Variants in TBC1D22A observed in about 807,000 individuals in gnomAD.
TBC1D22A encodes TBC1 domain family member 22A.
A neutral mutation model predicts 60.2 loss-of-function variants in TBC1D22A; 38 were observed. That is an observed-to-expected ratio of 0.63 (90% CI 0.49 to 0.83). The LOEUF (loss-of-function observed/expected upper bound fraction) is 0.83, where lower values mean the gene tolerates loss of function less well. Ranked by LOEUF, TBC1D22A falls within the 40% of genes least tolerant of loss-of-function variation. The pLI is 0.00. For missense variants in TBC1D22A, 628 were observed against 701.0 expected, an observed-to-expected ratio of 0.90 and a Z score of 1.18; for synonymous variants, 302 against 281.7, an observed-to-expected ratio of 1.07 and a Z score of -0.72.
chr22:46,962,819 A>G (rs1214721855), intron 8 of TBC1D22A, among the ~76,000 whole-genome samples: 1 of 152,234 alleles, frequency 6.6e-6, no homozygotes, highest in Non-Finnish European at 1.5e-5. Flanking sequence ...AGACCAAGAG[A>G]TATCCTGGCT....
At position 46,904,134 on chromosome 22, in the gene TBC1D22A, TCTATCTATCTACCTACCTACCTAC is replaced by T. The variant is rs1406970549; in HGVS notation, c.901-7936_901-7913del. Reference sequence around the variant, plus strand: ...ATCTATCTATCTATCTATCTATCTATCTATCTATCTACCTACCTACCTACCTACCTACCTACCTACCAGTCTGAG... The same window carrying T: ...ATCTATCTATCTATCTATCTATCTATCTACCTACCTACCTACCAGTCTGAG... On this transcript the variant is annotated intron_variant, in intron 7 of 12. Coordinates refer to ENST00000337137, the MANE Select transcript of TBC1D22A (RefSeq NM_014346.5). Among the ~76,000 whole-genome samples the T allele has an allele frequency of 9.0e-5, 6 of 66,582 alleles. No individual in the cohort carries two copies. The South Asian group carries it at 3.6e-3, about 40-fold the overall frequency. The allele number at this position is 66,582 out of a possible 152,430, so 43.7% of individuals were successfully genotyped here.
chr22:47,083,675 C>T (rs745563843), intron 11 of TBC1D22A, among the ~76,000 whole-genome samples: 35 of 152,094 alleles, frequency 2.3e-4, no homozygotes, highest in Non-Finnish European at 3.8e-4. Context: ...TTTGGCAGAC[C>T]GTTTGCTTAA....
intron 12 of TBC1D22A, among the ~76,000 whole-genome samples, chr22:47,138,311 CTG>C (rs1224034654): frequency 1.3e-5 from 2 of 152,304 alleles, no homozygotes; most frequent in Admixed American, 6.5e-5. Context: ...CTTTCGGCCT[CTG>C]GGGGACAGGG....
intron 11 of TBC1D22A, among the ~76,000 whole-genome samples, chr22:47,041,761 T>C (rs2062850782): frequency 6.6e-6 from 1 of 152,190 alleles, no homozygotes; most frequent in Admixed American, 6.5e-5. Flanking sequence ...ACGTTTTCTG[T>C]AAAGGGCTAG....
At chr22:46,878,339 T>TG in intron 4 of TBC1D22A, among the ~76,000 whole-genome samples, 1 of 144,844 alleles carries the variant, frequency 6.9e-6, no homozygotes, top group East Asian at 2.0e-4. Context: ...GAGAAGGAGG[T>TG]GGGAGGGAAG....
At chr22:46,942,641 G>T (rs1355152843) in intron 8 of TBC1D22A, among the ~76,000 whole-genome samples, 1 of 152,160 alleles carries the variant, frequency 6.6e-6, no homozygotes. Flanking sequence ...GCTGATGTGC[G>T]CTCGGCCACC....
At chr22:46,978,976 C>G (rs2074411075) in intron 9 of TBC1D22A, among the ~76,000 whole-genome samples, 2 of 151,126 alleles carry the variant, frequency 1.3e-5, no homozygotes, top group South Asian at 4.2e-4. Context: ...TACTATTACT[C>G]AACAAATGGT....
At chr22:46,845,953 G>A (rs1285481514) in intron 4 of TBC1D22A, among the ~76,000 whole-genome samples, 1 of 152,248 alleles carries the variant, frequency 6.6e-6, no homozygotes, top group Non-Finnish European at 1.5e-5. Flanking sequence ...GGAGCAGCCG[G>A]GGAGCTGGCA....
At chr22:47,122,982 C>T (rs1237443719) in intron 12 of TBC1D22A, among the ~76,000 whole-genome samples, 1 of 152,166 alleles carries the variant, frequency 6.6e-6, no homozygotes, top group Non-Finnish European at 1.5e-5. Flanking sequence ...AGAATTATAC[C>T]TGGAAGGAGG....
intron 1 of TBC1D22A, among the ~76,000 whole-genome samples, chr22:46,782,378 A>G (rs1332752809): frequency 1.3e-5 from 2 of 152,204 alleles, no homozygotes; most frequent in Admixed American, 6.5e-5. Flanking sequence ...TAAAGGTTGA[A>G]TGAATGAGGC....
intron 11 of TBC1D22A, among the ~76,000 whole-genome samples, chr22:47,081,151 C>G (rs1305743838): frequency 1.4e-5 from 2 of 147,942 alleles, no homozygotes; most frequent in Non-Finnish European, 3.0e-5. Context: ...AATGACAGTA[C>G]ACACTGAGTA....
intron 8 of TBC1D22A, among the ~76,000 whole-genome samples, chr22:46,967,171 C>T (rs1051205647): frequency 6.6e-6 from 1 of 152,142 alleles, no homozygotes; most frequent in Non-Finnish European, 1.5e-5. Flanking sequence ...TTGAGTTGAA[C>T]GTTATCCATA....
chr22:46,866,176 C>T (rs6009007), intron 4 of TBC1D22A, among the ~76,000 whole-genome samples: 2,340 of 152,286 alleles, frequency 0.015, 65 homozygotes, highest in African/African-American at 0.054. Context: ...GTAATCTTGC[C>T]TCACCGCAAC....
At chr22:46,917,140 G>A (rs554634139) in intron 8 of TBC1D22A, among the ~76,000 whole-genome samples, 15 of 152,280 alleles carry the variant, frequency 9.9e-5, no homozygotes, top group African/African-American at 3.4e-4. Flanking sequence ...AGGAACAGGC[G>A]GAAGACACAC....
At chr22:47,066,691 C>A (rs2063783410) in intron 11 of TBC1D22A, among the ~76,000 whole-genome samples, 1 of 152,224 alleles carries the variant, frequency 6.6e-6, no homozygotes, top group Admixed American at 6.5e-5. Flanking sequence ...GGAGGCAGCA[C>A]TTGCCCAGGC....
chr22:46,855,500 C>T (rs1035815205), intron 4 of TBC1D22A, among the ~76,000 whole-genome samples: 1 of 152,198 alleles, frequency 6.6e-6, no homozygotes, highest in Non-Finnish European at 1.5e-5. Flanking sequence ...AGAGGTACAG[C>T]TCTTGCTGGC....
intron 12 of TBC1D22A, among the ~76,000 whole-genome samples, chr22:47,146,716 G>T (rs1972750608): frequency 6.6e-6 from 1 of 152,166 alleles, no homozygotes; most frequent in Admixed American, 6.5e-5. Flanking sequence ...CTTTCTTGAT[G>T]GGGCGGTGGG....
chr22:47,071,212 C>T lies in TBC1D22A; in HGVS notation c.1329+34014C>T, dbSNP rs536689055. On this transcript the variant is annotated intron_variant, in intron 11 of 12. Coordinates refer to ENST00000337137, the MANE Select transcript of TBC1D22A (RefSeq NM_014346.5). ...TTTCCACGTATTAAGAGCCCACATG[C>T]GCCTATCACTGTCATCCACAGTCTG... Among the ~76,000 whole-genome samples, 12 of 152,358 alleles carry T rather than the reference C, an allele frequency of 7.9e-5. No homozygotes were observed. In the South Asian group the frequency reaches 2.1e-3, roughly 26 times the overall value.
At chr22:46,952,319 G>A (rs1280341924) in intron 8 of TBC1D22A, among the ~76,000 whole-genome samples, 3 of 107,928 alleles carry the variant, frequency 2.8e-5, no homozygotes, top group Non-Finnish European at 6.6e-5. Flanking sequence ...CTCTGCCTGG[G>A]CTGTTGGTTC....
Sources: gnomAD v4.1 joint callset for allele counts (sites outside exome capture counted in the v4.1 genomes callset) on GRCh38, gnomAD v4.1.1 for gene constraint, MANE v1.5 for transcripts, NCBI Gene and HGNC (gene_info 2026-07-23, HGNC 2026-07-21) for gene names.